Variants in FAT4 observed in about 807,000 individuals in gnomAD.
FAT4 encodes the protein protocadherin Fat 4.
A neutral mutation model predicts 303.9 loss-of-function variants in FAT4; 84 were observed. The ratio of observed to expected loss-of-function variants is 0.28; its 90% CI spans 0.23 to 0.33. The LOEUF (loss-of-function observed/expected upper bound fraction) is 0.33. Ranked by LOEUF, FAT4 falls within the 10% of genes least tolerant of loss-of-function variation. The pLI is 1.00. For missense variants in FAT4, 6,005 were observed against 6,146.8 expected (o/e 0.98, Z 0.77); for synonymous variants, 2,307 against 2,298.8 (o/e 1.00, Z -0.10).
rs886241458 is a variant in FAT4, at chr4:125,319,046, G to A, written c.2635G>A (p.Val879Ile). 1 of 1,614,148 alleles carries A rather than the reference G, an allele frequency of 6.2e-7. No homozygotes were observed. Among genetic ancestry groups the A allele is most frequent in the Admixed American group, 1.7e-5 (1 of 60,024 alleles). ...GGGCACAGTGACTGGAGACACTATG[G>A]TTAACATAACAGTTAAGGATTTGAA... Reference protein sequence around the residue: ...SGGTVTGDTMVNITVKDLNDN... With the variant: ...SGGTVTGDTMINITVKDLNDN... The change falls in exon 2 of 18, where the codon GTT becomes ATT. Residue 879 changes from valine to isoleucine, a missense_variant. Val to Ile is a conservative substitution (Grantham distance 29). Coordinates refer to ENST00000394329, the MANE Select transcript of FAT4 (RefSeq NM_001291303.3).
chr4:125,332,144 G>A (rs1196146761), intron 2 of FAT4, among the ~76,000 whole-genome samples: 1 of 145,800 alleles, frequency 6.9e-6, no homozygotes, highest in Non-Finnish European at 1.5e-5. Context: ...AAGTATTTTA[G>A]AGTTCCGTTC....
Position 125,452,472 on chromosome 4 carries a change from G to T in FAT4, c.11462G>T (p.Arg3821Leu). The T allele has an allele frequency of 6.2e-7, 1 of 1,613,984 alleles. No homozygotes were observed. Residue 3821 changes from arginine (R) to leucine (L), a missense_variant, in exon 10 of 18, where the codon CGA (arginine) becomes CTA (leucine). By Grantham distance (102) the Arg-to-Leu change is moderately radical (BLOSUM62 -2). Coordinates refer to ENST00000394329, the MANE Select transcript of FAT4 (RefSeq NM_001291303.3). ...TGTCAGAATGGAGGGAGCTGTCTAC[G>T]AAGATTGGCTGTGAGCTCCGTATTA... The part of the protein sequence containing the change: ...GPCQNGGSCL[R>L]RLAVSSVLKS...
rs936547305 is a variant in FAT4 at position 125,468,000 on chromosome 4, A to C, written c.11906-512A>C. ...ACCAACAAGGTGAAATCTCGTCTCT[A>C]TTAAAAATACAAAATTAGCCAGGCA... is the stretch of plus-strand genomic sequence containing the variant. On this transcript the variant is annotated intron_variant, in intron 11 of 17. Coordinates refer to ENST00000394329, the MANE Select transcript of FAT4 (RefSeq NM_001291303.3). 2.0e-5 allele frequency among the ~76,000 whole-genome samples: 3 copies of C among 152,044 alleles called. No homozygotes were observed. The East Asian group carries it at 5.8e-4, about 29-fold the overall frequency.
intron 2 of FAT4, among the ~76,000 whole-genome samples, chr4:125,383,694 A>C (rs1733623980): frequency 6.6e-6 from 1 of 152,162 alleles, no homozygotes. Flanking sequence ...GATAAAGGCA[A>C]GTGCAATGAA....
chr4:125,321,105 A>G lies in FAT4; in HGVS notation c.4694A>G (p.Tyr1565Cys). 1.2e-6 allele frequency: 2 copies of G among 1,614,208 alleles called. No homozygotes were observed. Among genetic ancestry groups the G allele is most frequent in the Non-Finnish European group, 1.7e-6 (2 of 1,180,012 alleles). The change falls in exon 2 of 18, where the codon TAT becomes TGT. Residue 1565 changes from tyrosine (Y) to cysteine (C), a missense_variant. By Grantham distance (194) the Tyr-to-Cys change is radical. Transcript: ENST00000394329. ...PDEGANGEIE[Y>C]EIINGDTDTF... is the part of the protein sequence containing the mutation. ...GAAGGTGCTAATGGAGAAATAGAGTATGAGATCATCAATGGGGACACAGAC... is the reference window on the plus strand; with the variant it reads ...GAAGGTGCTAATGGAGAAATAGAGTGTGAGATCATCAATGGGGACACAGAC...
rs1379743899 is a variant in FAT4, at chr4:125,316,097, A to C, written c.-13+120A>C. ...AAAACGCTCAGACTATCTGGATTCAAAAACAAAGTAAAAGGGGGCATATAT... is the reference window on the plus strand; with the variant it reads ...AAAACGCTCAGACTATCTGGATTCACAAACAAAGTAAAAGGGGGCATATAT... On this transcript the variant is annotated intron_variant, in intron 1 of 17. Coordinates refer to ENST00000394329, the MANE Select transcript of FAT4 (RefSeq NM_001291303.3). This position sits in a 1 kb window ranked among gnomAD's most constrained non-coding sequence, Gnocchi z 5.7. 6.6e-6 allele frequency among the ~76,000 whole-genome samples: 1 copy of C among 152,214 alleles called. No homozygotes were observed. The highest frequency in any genetic ancestry group is 2.4e-5 in the African/African-American group (1 of 41,462).
Position 125,475,165 on chromosome 4 carries a change from CT to C in FAT4, c.12214-1004del, listed in dbSNP as rs777544020. Among the ~76,000 whole-genome samples, 3 of 152,042 alleles carry C rather than the reference CT, an allele frequency of 2.0e-5. No individual in the cohort carries two copies. In the East Asian group the frequency reaches 5.8e-4, roughly 29 times the overall value. ...TGATATACTGGCACTACACTCCATC[CT>C]TCTTACAATTTCAGCAAGTAAAGTG... On this transcript the variant is annotated intron_variant, in intron 12 of 17. Coordinates refer to ENST00000394329, the MANE Select transcript of FAT4 (RefSeq NM_001291303.3).
intron 3 of FAT4, among the ~76,000 whole-genome samples, chr4:125,399,492 A>C (rs1734303717): frequency 6.6e-6 from 1 of 151,952 alleles, no homozygotes; most frequent in Admixed American, 6.6e-5. Flanking sequence ...AGTTTAAGGA[A>C]GAGAAGTAAC....
At chr4:125,474,923 G>C (rs1726975701) in intron 12 of FAT4, among the ~76,000 whole-genome samples, 1 of 151,984 alleles carries the variant, frequency 6.6e-6, no homozygotes, top group South Asian at 2.1e-4. Flanking sequence ...TTCCTGCACT[G>C]TTTTCTACAT....
chr4:125,468,945 A>T (rs1184973851), intron 12 of FAT4, 126 bp downstream of exon 12: 6 of 1,073,638 alleles, frequency 5.6e-6, no homozygotes, highest in Middle Eastern at 3.2e-4. Flanking sequence ...TGAAAAACTT[A>T]GACATAATAT....
intron 2 of FAT4, among the ~76,000 whole-genome samples, chr4:125,379,137 G>A (rs1733443748): frequency 1.3e-5 from 2 of 152,014 alleles, no homozygotes; most frequent in East Asian, 3.9e-4. Context: ...TAATGTCTTT[G>A]TTTTGACAAA....
At chr4:125,414,676 T>C (rs1253336968) in intron 5 of FAT4, among the ~76,000 whole-genome samples, 2 of 152,162 alleles carry the variant, frequency 1.3e-5, no homozygotes, top group African/African-American at 4.8e-5. Flanking sequence ...CTCTGGAATA[T>C]TTTTCTCCTC....
chr4:125,476,089 C>A, intron 12 of FAT4, 82 bp from the exon 13 acceptor site: 2 of 681,116 alleles, frequency 2.9e-6, no homozygotes, highest in Admixed American at 2.4e-5. Context: ...CACATAGAAG[C>A]AAGTCATGGG....
rs368157923 is a variant in FAT4, at chr4:125,468,624, G to A, written c.12018G>A (p.Thr4006=). The A allele has an allele frequency of 3.8e-5, 62 of 1,613,908 alleles. No individual in the cohort carries two copies. Among genetic ancestry groups the A allele is most frequent in the South Asian group, 1.4e-4 (13 of 91,080 alleles). ...NNNYIYVKFA[T]IKSHALLLYN... ...ACTATATTTATGTCAAATTTGCCAC[G>A]ATTAAAAGTCATGCCTTATTGCTTT... The change falls in exon 12 of 18, where the codon ACG becomes ACA. Residue 4006 remains threonine, a synonymous_variant. Coordinates refer to ENST00000394329, the MANE Select transcript of FAT4 (RefSeq NM_001291303.3).
intron 2 of FAT4, among the ~76,000 whole-genome samples, chr4:125,349,932 A>G (rs1349366660): frequency 1.3e-5 from 2 of 151,766 alleles, no homozygotes; most frequent in Non-Finnish European, 2.9e-5. Context: ...ATATTGAGTT[A>G]TAATTATTTA....
chr4:125,434,734 C>T (rs1725396817), intron 8 of FAT4, among the ~76,000 whole-genome samples: 1 of 152,158 alleles, frequency 6.6e-6, no homozygotes, highest in Admixed American at 6.5e-5. Flanking sequence ...ACAGTATTTA[C>T]ATGGTGACTG....
intron 2 of FAT4, among the ~76,000 whole-genome samples, chr4:125,372,449 G>A (rs1733156218): frequency 6.6e-6 from 1 of 151,696 alleles, no homozygotes; most frequent in African/African-American, 2.4e-5. Flanking sequence ...ATCATGACTT[G>A]CAAGTATAAA....
At chr4:125,448,124 G>T (rs6846428) in intron 9 of FAT4, among the ~76,000 whole-genome samples, 23,480 of 152,088 alleles carry the variant, frequency 0.15, 2,190 homozygotes, top group East Asian at 0.4. Context: ...TTGGAATGTT[G>T]TTTTATGTGC....
chr4:125,393,866 T>C, intron 2 of FAT4: 1 of 724,342 alleles, frequency 1.4e-6, no homozygotes, highest in Non-Finnish European at 2.6e-6. Flanking sequence ...AATTATTTCA[T>C]TTACCAGAGT....
Sources: allele counts gnomAD v4.1 joint callset (sites outside exome capture counted in the v4.1 genomes callset), GRCh38; gene constraint gnomAD v4.1.1; non-coding constraint Gnocchi (gnomAD v3.1); transcripts MANE v1.5; gene names NCBI Gene and HGNC (gene_info 2026-07-23, HGNC 2026-07-21).